PIEZO2: variants seen among roughly 807,000 people sequenced by gnomAD.
PIEZO2 encodes the protein piezo-type mechanosensitive ion channel component 2.
PIEZO2 carries 172 observed loss-of-function variants against 337.3 expected under a neutral mutation model. That is an observed-to-expected ratio of 0.51 (90% confidence interval 0.45 to 0.58). The LOEUF is 0.58. Among genes scored for constraint, PIEZO2 ranks in the 20% least tolerant of loss-of-function variants. The pLI, the probability that PIEZO2 is intolerant of heterozygous loss-of-function variation, is 0.00. For synonymous variants in PIEZO2, 1,251 were observed against 1,228.5 expected, an observed-to-expected ratio of 1.02 and a Z score of -0.38; for missense variants, 3,028 against 3,391.3, an observed-to-expected ratio of 0.89 and a Z score of 2.66.
intron 2 of PIEZO2, among the ~76,000 whole-genome samples, chr18:11,005,158 T>A (rs997797395): frequency 1.3e-5 from 2 of 152,170 alleles, no homozygotes; most frequent in Non-Finnish European, 2.9e-5. Flanking sequence ...TGGTAATGAA[T>A]GGGGGAAAAA....
At chr18:10,810,451 A>C (rs908192783) in intron 7 of PIEZO2, among the ~76,000 whole-genome samples, 10 of 152,102 alleles carry the variant, frequency 6.6e-5, no homozygotes, top group African/African-American at 2.4e-4. Flanking sequence ...TTCTCTGCAC[A>C]TTGTGACAGC....
At position 10,969,225 on chromosome 18, in the gene PIEZO2, T is replaced by G. The variant is rs2034138976; in HGVS notation, c.286+10310A>C. ...GAGTTTACTTCCATACCACACGGAC[T>G]TGCGTTAGTGCTTTTATTGTAAATA... On this transcript the variant is annotated intron_variant, in intron 3 of 55. Coordinates refer to ENST00000674853, the MANE Select transcript of PIEZO2 (RefSeq NM_001378183.1). The surrounding 1 kb of genome is among the most constrained non-coding windows in gnomAD (Gnocchi z 4.5). Among the ~76,000 whole-genome samples the G allele has an allele frequency of 1.3e-5, 2 of 152,236 alleles. No individual in the cohort carries two copies. Among genetic ancestry groups the G allele is most frequent in the East Asian group, 1.9e-4 (1 of 5,196 alleles).
rs982315388 is a variant in PIEZO2, at chr18:10,716,775, G to C, written c.5090-959C>G. On this transcript the variant is annotated intron_variant, in intron 37 of 55. Coordinates refer to ENST00000674853, the MANE Select transcript of PIEZO2 (RefSeq NM_001378183.1). This position sits in a 1 kb window ranked among gnomAD's most constrained non-coding sequence, Gnocchi z 4.1. ...GAAGCTTGGCTCTGGAGGATGAAAG[G>C]CTTGGAGTTACACCCATCAATGAAC... 2.0e-5 allele frequency among the ~76,000 whole-genome samples: 3 copies of C among 151,550 alleles called. No individual in the cohort carries two copies. The highest frequency in any genetic ancestry group is 7.3e-5 in the African/African-American group (3 of 40,868).
chr18:10,817,088 C>T (rs1013035131), intron 7 of PIEZO2, among the ~76,000 whole-genome samples: 7 of 152,162 alleles, frequency 4.6e-5, no homozygotes, highest in African/African-American at 1.7e-4. Context: ...CAACAAGACA[C>T]TCAAGTGATT....
chr18:10,786,943 T>G, intron 16 of PIEZO2, 93 bp downstream of exon 16: 1 of 1,233,170 alleles, frequency 8.1e-7, no homozygotes, highest in Non-Finnish European at 1.1e-6. Context: ...ATTGATGACA[T>G]CATGCTTTAC....
rs902163705 is a variant in PIEZO2, at chr18:10,713,263, T to G, written c.5423+1501A>C. Among the ~76,000 whole-genome samples the G allele has an allele frequency of 7.9e-5, 12 of 152,118 alleles. No individual in the cohort carries two copies. The East Asian group carries it at 2.3e-3, about 29-fold the overall frequency. On this transcript the variant is annotated intron_variant, in intron 39 of 55. Transcript: ENST00000674853. This position sits in a 1 kb window ranked among gnomAD's most constrained non-coding sequence, Gnocchi z 4.5. Reference sequence around the variant, plus strand: ...AATATGGATCTGCCTCAATAATAATTATTGGGTAGCAAAATAATTGGCATA... The same window carrying G: ...AATATGGATCTGCCTCAATAATAATGATTGGGTAGCAAAATAATTGGCATA...
chr18:10,681,190 C>T (rs774524944), intron 51 of PIEZO2, among the ~76,000 whole-genome samples: 26 of 152,146 alleles, frequency 1.7e-4, no homozygotes, highest in African/African-American at 5.6e-4. Context: ...CTATTATGAC[C>T]ACTCTAGAGT....
At chr18:10,884,385 T>C (rs2042512680) in intron 4 of PIEZO2, among the ~76,000 whole-genome samples, 1 of 152,188 alleles carries the variant, frequency 6.6e-6, no homozygotes, top group Admixed American at 6.5e-5. Flanking sequence ...TTTCTGTGTG[T>C]TTGCTAGGGA....
In PIEZO2 at chr18:10,789,062, G is replaced by A. The variant is rs2039323950; in HGVS notation, c.2169+17C>T. 6.6e-7 allele frequency: 1 copy of A among 1,525,988 alleles called. No homozygotes were observed. The allele number at this position is 1,525,988 out of a possible 1,614,324, so 94.5% of individuals were successfully genotyped here. On this transcript the variant is annotated intron_variant, in intron 15 of 55. Transcript: ENST00000674853. ...TGGGAGAGATGTGAGAATTAAAATG[G>A]TCAACTGTGTACCTACCTGGTATAG... is the stretch of plus-strand genomic sequence containing the variant.
chr18:10,965,563 G>T (rs1181773584), intron 3 of PIEZO2, among the ~76,000 whole-genome samples: 3 of 152,188 alleles, frequency 2.0e-5, no homozygotes, highest in Non-Finnish European at 4.4e-5. Flanking sequence ...ATTCTGAGAA[G>T]TACAAGCATG....
rs543735446 is a variant in PIEZO2, at chr18:11,140,662, C to T, written c.64+7863G>A. ...ATGTCAGTGGTGTCTGCAAGGCACA[C>T]TAAGGTACCTTCAACCACAGGAGGC... On this transcript the variant is annotated intron_variant, in intron 1 of 55. Transcript: ENST00000674853. Among the ~76,000 whole-genome samples the T allele has an allele frequency of 3.3e-5, 5 of 152,202 alleles. No individual in the cohort carries two copies. The South Asian group carries it at 6.2e-4, about 19-fold the overall frequency.
intron 3 of PIEZO2, among the ~76,000 whole-genome samples, chr18:10,978,193 GGGCATGGTGGCA>G (rs2034522058): frequency 1.3e-5 from 2 of 152,134 alleles, no homozygotes; most frequent in South Asian, 2.1e-4. Flanking sequence ...ATAAATAGCT[GGGCATGGTGGCA>G]GGCACCTGTA....
At chr18:10,957,029 C>T (rs2033565327) in intron 3 of PIEZO2, among the ~76,000 whole-genome samples, 1 of 150,662 alleles carries the variant, frequency 6.6e-6, no homozygotes, top group Non-Finnish European at 1.5e-5. Flanking sequence ...AGAAATAAAC[C>T]TAAGTATATG....
intron 22 of PIEZO2, 27 bp downstream of exon 22, chr18:10,762,895 G>C: frequency 6.5e-7 from 1 of 1,533,014 alleles, no homozygotes; most frequent in African/African-American, 1.4e-5. Context: ...GGGCAGTCAG[G>C]AATATTCCCC....
chr18:10,748,640 C>T lies in PIEZO2; in HGVS notation c.4265-10G>A. On this transcript the variant is annotated splice_polypyrimidine_tract_variant and intron_variant, in intron 29 of 55. Coordinates refer to ENST00000674853, the MANE Select transcript of PIEZO2 (RefSeq NM_001378183.1). This position sits in a 1 kb window ranked among gnomAD's most constrained non-coding sequence, Gnocchi z 5.1. ...GGTGAATTAGCAGCAGCTATAGTAA[C>T]AGTAGAAAAACACACATTAAAATTA... 7.0e-7 allele frequency: 1 copy of T among 1,429,954 alleles called. No homozygotes were observed. 88.6% of individuals were successfully genotyped at this position (1,429,954 alleles called of 1,614,324 possible).
intron 26 of PIEZO2, among the ~76,000 whole-genome samples, chr18:10,758,573 G>A (rs1273770388): frequency 3.3e-5 from 5 of 152,166 alleles, no homozygotes; most frequent in Non-Finnish European, 7.3e-5. Flanking sequence ...AGCCTCCCAA[G>A]TAGCTGGGAA....
At position 10,705,642 on chromosome 18, in the gene PIEZO2, T is replaced by G; in HGVS notation, c.5693A>C (p.Glu1898Ala). Residue 1898 changes from glutamate to alanine, a missense_variant, in exon 41 of 56, where the codon GAG (glutamate) becomes GCG (alanine). Glu to Ala is a moderately radical substitution (Grantham distance 107). Coordinates refer to ENST00000674853, the MANE Select transcript of PIEZO2 (RefSeq NM_001378183.1). ...CTCGTACTCCTTGGCCTCCCTGGGCTCAGGCGCCGTGCTCCCTGCCTCCTC... is the reference window on the plus strand; with the variant it reads ...CTCGTACTCCTTGGCCTCCCTGGGCGCAGGCGCCGTGCTCCCTGCCTCCTC... ...QEEEAGSTAPEPREAKEYEAT... is the reference protein window; with the variant it reads ...QEEEAGSTAPAPREAKEYEAT... The G allele has an allele frequency of 6.5e-7, 1 of 1,537,112 alleles. No homozygotes were observed. Among genetic ancestry groups the G allele is most frequent in the Non-Finnish European group, 8.7e-7 (1 of 1,146,888 alleles).
chr18:11,072,732 G>A (rs764974752), intron 1 of PIEZO2, among the ~76,000 whole-genome samples: 3 of 152,158 alleles, frequency 2.0e-5, no homozygotes, highest in Non-Finnish European at 4.4e-5. Context: ...CACTGCAGTC[G>A]GGATCCTGAG....
Position 10,857,117 on chromosome 18 carries a change from G to C in PIEZO2, c.587C>G (p.Thr196Arg), listed in dbSNP as rs772566169. Reference sequence around the variant, plus strand: ...AAGCCTGCGGAACATTTTTAACTTCGTGCTTTCTTCCAACTCGCCTTCAAC... The same window carrying C: ...AAGCCTGCGGAACATTTTTAACTTCCTGCTTTCTTCCAACTCGCCTTCAAC... ...DGVEGELEES[T>R]KLKMFRRLAS... is the part of the protein sequence containing the mutation. The change falls in exon 6 of 56, where the codon ACG (threonine) becomes AGG (arginine). Residue 196 changes from threonine to arginine, a missense_variant. Physicochemically the swap from Thr to Arg is moderately conservative, Grantham distance 71 (BLOSUM62 -1). Coordinates refer to ENST00000674853, the MANE Select transcript of PIEZO2 (RefSeq NM_001378183.1). 7.2e-6 allele frequency: 11 copies of C among 1,537,646 alleles called. No individual in the cohort carries two copies. The highest frequency in any genetic ancestry group is 2.4e-5 in the East Asian group (1 of 40,924).
Sources: gnomAD v4.1 joint callset for allele counts (sites outside exome capture counted in the v4.1 genomes callset) on GRCh38, gnomAD v4.1.1 for gene constraint, Gnocchi (gnomAD v3.1) non-coding constraint, MANE v1.5 for transcripts, NCBI Gene and HGNC (gene_info 2026-07-23, HGNC 2026-07-21) for gene names.